ZHX2: variants seen among roughly 807,000 people sequenced by gnomAD.
The protein encoded by ZHX2 is zinc fingers and homeoboxes protein 2.
Under a neutral mutation model 21.9 loss-of-function variants are expected in ZHX2, and 6 were observed. The ratio of observed to expected loss-of-function variants is 0.27; its 90% CI spans 0.15 to 0.54. The LOEUF (loss-of-function observed/expected upper bound fraction) is 0.54, where lower values mean the gene tolerates loss of function less well. Ranked by LOEUF, ZHX2 falls within the 20% of genes least tolerant of loss-of-function variation. The pLI, the probability that ZHX2 is intolerant of heterozygous loss-of-function variation, is 0.95. For synonymous variants in ZHX2, 434 were observed against 437.1 expected (o/e 0.99, Z 0.09); for missense variants, 908 against 1,090.7 (o/e 0.83, Z 2.36).
intron 1 of ZHX2, among the ~76,000 whole-genome samples, chr8:122,783,140 T>C (rs777937037): frequency 2.0e-5 from 3 of 152,112 alleles, no homozygotes; most frequent in Non-Finnish European, 4.4e-5. Context: ...TTTGTTCAGG[T>C]TTCCACCTGA....
rs549535133 is a variant in ZHX2, at chr8:122,818,701, G to A, written c.-283+36755G>A. ...AAACTTGGCATCCAGGACGCGCCCC[G>A]TGAGGAATTTGTTTTTGTTTTAATG... is the stretch of plus-strand genomic sequence containing the variant. On this transcript the variant is annotated intron_variant, in intron 1 of 3. Coordinates refer to ENST00000314393, the MANE Select transcript of ZHX2 (RefSeq NM_014943.5). Among the ~76,000 whole-genome samples the A allele has an allele frequency of 6.5e-4, 99 of 152,336 alleles. 1 individual carries two copies. The highest frequency in any genetic ancestry group is 2.4e-3 in the African/African-American group (98 of 41,574).
chr8:122,952,578 G>A lies in ZHX2; in HGVS notation c.1068G>A (p.Lys356=). The A allele has an allele frequency of 5.0e-6, 8 of 1,614,150 alleles. No homozygotes were observed. Among genetic ancestry groups the A allele is most frequent in the Non-Finnish European group, 6.8e-6 (8 of 1,180,038 alleles). The change falls in exon 3 of 4, where the codon AAG becomes AAA. Residue 356 remains lysine, a synonymous_variant. Coordinates refer to ENST00000314393, the MANE Select transcript of ZHX2 (RefSeq NM_014943.5). The surrounding 1 kb of genome is among the most constrained non-coding windows in gnomAD (Gnocchi z 6.9). The stretch of plus-strand genomic sequence containing the variant: ...TGCCCGCCCAGTTGGCCCCCACAAA[G>A]GTGACGCAGCCCATCCTCCAGACGG... The part of the protein sequence containing the change: ...TVLPAQLAPT[K]VTQPILQTAL...
At chr8:122,855,530 G>A (rs1202166456) in intron 1 of ZHX2, among the ~76,000 whole-genome samples, 1 of 151,984 alleles carries the variant, frequency 6.6e-6, no homozygotes, top group Non-Finnish European at 1.5e-5. Context: ...CGCCAGTTTG[G>A]GGCTCGTGGC....
chr8:122,855,425 T>C (rs948496313), intron 1 of ZHX2, among the ~76,000 whole-genome samples: 4 of 152,142 alleles, frequency 2.6e-5, no homozygotes, highest in Non-Finnish European at 5.9e-5. Flanking sequence ...ACATAGGCAC[T>C]GGCCGGGTCA....
intron 1 of ZHX2, among the ~76,000 whole-genome samples, chr8:122,806,374 C>A (rs1817823977): frequency 6.6e-6 from 1 of 152,154 alleles, no homozygotes; most frequent in South Asian, 2.1e-4. Flanking sequence ...AAGAAGAAAC[C>A]TGAGAGCTGA....
rs545201171 is a variant in ZHX2 at position 122,954,027 on chromosome 8, A to G, written c.*3A>G. ...CTGCAGAGGCTGGCCAGGCCTAGAC[A>G]GGTAATTCCACCTGCTCACCCAGGC... On this transcript the variant is annotated splice_region_variant and 3_prime_UTR_variant, in exon 3 of 4. Coordinates refer to ENST00000314393, the MANE Select transcript of ZHX2 (RefSeq NM_014943.5). 8.6e-5 allele frequency: 136 copies of G among 1,573,852 alleles called. 1 individual carries two copies. The South Asian group carries it at 1.5e-3, about 18-fold the overall frequency.
intron 2 of ZHX2, among the ~76,000 whole-genome samples, chr8:122,921,518 C>G (rs1249161075): frequency 6.6e-6 from 1 of 152,076 alleles, no homozygotes; most frequent in Non-Finnish European, 1.5e-5. Flanking sequence ...GTGCTCTCGC[C>G]ACAAAAAAGA....
chr8:122,953,063 A>G lies in ZHX2; in HGVS notation c.1553A>G (p.His518Arg). The G allele has an allele frequency of 6.2e-7, 1 of 1,614,068 alleles. No individual in the cohort carries two copies. The highest frequency in any genetic ancestry group is 8.5e-7 in the Non-Finnish European group (1 of 1,180,030). ...KDQLAIAASRHGRTYHAYPDF... is the reference protein window; with the variant it reads ...KDQLAIAASRRGRTYHAYPDF... ...CAGTTGGCCATCGCGGCCTCCCGACACGGTCGCACGTATCATGCGTACCCA... is the reference window on the plus strand; with the variant it reads ...CAGTTGGCCATCGCGGCCTCCCGACGCGGTCGCACGTATCATGCGTACCCA... Residue 518 changes from histidine to arginine, a missense_variant, in exon 3 of 4, where the codon CAC becomes CGC. Coordinates refer to ENST00000314393, the MANE Select transcript of ZHX2 (RefSeq NM_014943.5). The surrounding 1 kb of genome is among the most constrained non-coding windows in gnomAD (Gnocchi z 4.6).
At position 122,876,374 on chromosome 8, in the gene ZHX2, T is replaced by A. The variant is rs180996729; in HGVS notation, c.-220+12835T>A. On this transcript the variant is annotated intron_variant, in intron 2 of 3. Coordinates refer to ENST00000314393, the MANE Select transcript of ZHX2 (RefSeq NM_014943.5). ...ACCCCCTCCCCTTACCCCGTTACCA[T>A]GACAATATTATTTTAACAAACAGCT... Among the ~76,000 whole-genome samples the A allele has an allele frequency of 1.2e-4, 19 of 152,198 alleles. No homozygotes were observed. The East Asian group carries it at 3.7e-3, about 29-fold the overall frequency.
intron 2 of ZHX2, among the ~76,000 whole-genome samples, chr8:122,895,848 C>A (rs1424329693): frequency 6.6e-6 from 1 of 152,098 alleles, no homozygotes; most frequent in Non-Finnish European, 1.5e-5. Flanking sequence ...ATTCTAGTAC[C>A]CCCAGCCCTC....
At chr8:122,860,645 C>T (rs1296024423) in intron 1 of ZHX2, among the ~76,000 whole-genome samples, 1 of 152,154 alleles carries the variant, frequency 6.6e-6, no homozygotes, top group Non-Finnish European at 1.5e-5. Context: ...AGGCAAGTGG[C>T]TAGAGAAAGT....
chr8:122,820,770 T>C (rs1818130603), intron 1 of ZHX2, among the ~76,000 whole-genome samples: 1 of 152,174 alleles, frequency 6.6e-6, no homozygotes, highest in South Asian at 2.1e-4. Flanking sequence ...CTTTAGAGCC[T>C]TTAAAAATAA....
At chr8:122,830,864 G>A (rs760593476) in intron 1 of ZHX2, among the ~76,000 whole-genome samples, 4 of 152,190 alleles carry the variant, frequency 2.6e-5, no homozygotes, top group South Asian at 2.1e-4. Flanking sequence ...TTTCATGAGG[G>A]CAAAAGGGAG....
chr8:122,789,250 T>C (rs537301363), intron 1 of ZHX2, among the ~76,000 whole-genome samples: 1 of 152,336 alleles, frequency 6.6e-6, no homozygotes, highest in Non-Finnish European at 1.5e-5. Context: ...CCTATGGCTC[T>C]CCCCAGCTGC....
At chr8:122,806,185 C>G (rs890721961) in intron 1 of ZHX2, among the ~76,000 whole-genome samples, 1 of 152,184 alleles carries the variant, frequency 6.6e-6, no homozygotes, top group African/African-American at 2.4e-5. Flanking sequence ...AAAGTAAGGC[C>G]TGGGAATGAA....
chr8:122,821,696 A>C (rs1818153326), intron 1 of ZHX2, among the ~76,000 whole-genome samples: 1 of 150,264 alleles, frequency 6.7e-6, no homozygotes, highest in African/African-American at 2.5e-5. Flanking sequence ...GACTTTATTT[A>C]TTTATTTATT....
intron 3 of ZHX2, among the ~76,000 whole-genome samples, chr8:122,967,582 T>C (rs1255105650): frequency 6.6e-6 from 1 of 152,322 alleles, no homozygotes; most frequent in Non-Finnish European, 1.5e-5. Context: ...CTGGGAGTCC[T>C]TGGTTGTAGT....
chr8:122,891,779 G>A (rs991536384), intron 2 of ZHX2, among the ~76,000 whole-genome samples: 4 of 152,182 alleles, frequency 2.6e-5, no homozygotes, highest in African/African-American at 9.7e-5. Flanking sequence ...ATTGTGGTGT[G>A]AGAACATACT....
intron 1 of ZHX2, among the ~76,000 whole-genome samples, chr8:122,851,940 AGAAG>A (rs1468860824): frequency 6.6e-6 from 1 of 152,244 alleles, no homozygotes; most frequent in East Asian, 1.9e-4. Context: ...TGAAAGTACC[AGAAG>A]GACAGCGGCC....
Sources: gnomAD v4.1 joint callset for allele counts (sites outside exome capture counted in the v4.1 genomes callset) on GRCh38, gnomAD v4.1.1 for gene constraint, Gnocchi (gnomAD v3.1) non-coding constraint, MANE v1.5 for transcripts, NCBI Gene and HGNC (gene_info 2026-07-23, HGNC 2026-07-21) for gene names.